Variants in SEC23A observed in about 807,000 individuals in gnomAD.
The protein encoded by SEC23A is SEC23 homolog A, COPII component.
A neutral mutation model predicts 103.7 loss-of-function variants in SEC23A; 56 were observed. The ratio of observed to expected loss-of-function variants is 0.54; its 90% CI spans 0.44 to 0.67. The LOEUF (loss-of-function observed/expected upper bound fraction) is 0.67, where lower values mean the gene tolerates loss of function less well. Among genes scored for constraint, SEC23A ranks in the 30% least tolerant of loss-of-function variants. The pLI, the probability that SEC23A is intolerant of heterozygous loss-of-function variation, is 0.00. For missense variants in SEC23A, 784 were observed against 936.4 expected, an observed-to-expected ratio of 0.84 and a Z score of 2.12; for synonymous variants, 281 against 293.0, an observed-to-expected ratio of 0.96 and a Z score of 0.42.
intron 15 of SEC23A, 144 bp from the exon 16 acceptor site, chr14:39,045,468 G>A: frequency 5.9e-6 from 3 of 506,866 alleles, no homozygotes; most frequent in South Asian, 4.6e-5. Flanking sequence ...TATCCCTCAG[G>A]AAAGGAATCC....
chr14:39,074,904 G>A (rs760716281), intron 8 of SEC23A, among the ~76,000 whole-genome samples: 5 of 151,960 alleles, frequency 3.3e-5, no homozygotes, highest in Non-Finnish European at 5.9e-5. Context: ...TCAGGAGATC[G>A]AGACCATCCT....
At chr14:39,078,247 T>C (rs1887107286) in intron 7 of SEC23A, among the ~76,000 whole-genome samples, 1 of 151,732 alleles carries the variant, frequency 6.6e-6, no homozygotes, top group Non-Finnish European at 1.5e-5. Flanking sequence ...AGAACTAGAC[T>C]CTTGTCTCAA....
At chr14:39,090,556 G>C (rs77893709) in intron 5 of SEC23A, among the ~76,000 whole-genome samples, 2,297 of 152,226 alleles carry the variant, frequency 0.015, 69 homozygotes, top group African/African-American at 0.052. Flanking sequence ...AAATCGTCCA[G>C]TCTCAAAATA....
At chr14:39,076,817 C>A (rs868789738) in intron 7 of SEC23A, among the ~76,000 whole-genome samples, 5 of 151,676 alleles carry the variant, frequency 3.3e-5, no homozygotes, top group South Asian at 2.1e-4. Flanking sequence ...GTCCCACCTA[C>A]TCGGGAGGCT....
intron 2 of SEC23A, chr14:39,094,891 C>A: frequency 9.3e-6 from 6 of 645,944 alleles, no homozygotes; most frequent in Non-Finnish European, 1.1e-5. Flanking sequence ...CTAGATCATA[C>A]AAGGCTTTAT....
chr14:39,044,279 C>T (rs544040858), intron 16 of SEC23A, among the ~76,000 whole-genome samples: 53 of 152,016 alleles, frequency 3.5e-4, no homozygotes, highest in Non-Finnish European at 6.9e-4. Context: ...TCTACATGCA[C>T]GTTATTACTC....
At chr14:39,098,586 C>A (rs936329538) in intron 1 of SEC23A, among the ~76,000 whole-genome samples, 3 of 151,934 alleles carry the variant, frequency 2.0e-5, no homozygotes, top group African/African-American at 7.3e-5. Flanking sequence ...ACCAGCCTGG[C>A]CAACATGGTG....
At chr14:39,093,428 T>C (rs1887733224) in intron 2 of SEC23A, among the ~76,000 whole-genome samples, 184 bp from the exon 3 acceptor site, 2 of 152,344 alleles carry the variant, frequency 1.3e-5, no homozygotes, top group Admixed American at 6.5e-5. Flanking sequence ...TTTTAACATA[T>C]ACAAGTTTAC....
rs1183990666 is a variant in SEC23A, at chr14:39,068,233, A to G, written c.1104-937T>C. 2.6e-5 allele frequency among the ~76,000 whole-genome samples: 4 copies of G among 152,280 alleles called. No individual in the cohort carries two copies. The East Asian group carries it at 5.8e-4, about 22-fold the overall frequency. On this transcript the variant is annotated intron_variant, in intron 9 of 19. Coordinates refer to ENST00000307712, the MANE Select transcript of SEC23A (RefSeq NM_006364.4). ...TGGCAAAAATCAGTTTGACAGCAAC[A>G]TATTATGTTGGTGAGGCTATGGAAA...
chr14:39,048,589 G>A (rs1325892623), intron 15 of SEC23A, 63 bp downstream of exon 15: 13 of 1,014,546 alleles, frequency 1.3e-5, no homozygotes, highest in Admixed American at 1.7e-5. Flanking sequence ...GACATAGGGA[G>A]AGCCTGTCTC....
chr14:39,061,103 T>G (rs972950206), intron 13 of SEC23A, among the ~76,000 whole-genome samples: 2 of 152,218 alleles, frequency 1.3e-5, no homozygotes, highest in African/African-American at 4.8e-5. Flanking sequence ...AACAGGGAGT[T>G]TGTTTTAAAT....
intron 7 of SEC23A, among the ~76,000 whole-genome samples, chr14:39,083,154 T>C (rs1200703579): frequency 6.6e-6 from 1 of 152,150 alleles, no homozygotes; most frequent in East Asian, 1.9e-4. Flanking sequence ...CTTAATCTTG[T>C]GAAAGGAAAG....
intron 2 of SEC23A, among the ~76,000 whole-genome samples, chr14:39,094,313 TATATGC>T (rs1566514453): frequency 7.9e-5 from 8 of 101,436 alleles, no homozygotes; most frequent in Admixed American, 1.2e-4. Flanking sequence ...CATATACATA[TATATGC>T]ATATATACAC....
chr14:39,068,381 T>C (rs1337820309), intron 9 of SEC23A, among the ~76,000 whole-genome samples: 5 of 152,136 alleles, frequency 3.3e-5, no homozygotes, highest in African/African-American at 1.2e-4. Flanking sequence ...ACCCCACTAA[T>C]AGTAATCTAT....
chr14:39,058,745 T>C (rs942415153), intron 13 of SEC23A, among the ~76,000 whole-genome samples: 4 of 152,224 alleles, frequency 2.6e-5, no homozygotes, highest in Admixed American at 1.3e-4. Flanking sequence ...AAGAAGACAT[T>C]GGTAATTTTG....
chr14:39,055,330 G>T (rs1205687609), intron 13 of SEC23A, 34 bp from the exon 14 acceptor site: 1 of 1,599,104 alleles, frequency 6.3e-7, no homozygotes, highest in South Asian at 1.1e-5. Context: ...AAATGCTTCT[G>T]AATTATTATA....
At chr14:39,090,658 G>A (rs1156572551) in intron 5 of SEC23A, among the ~76,000 whole-genome samples, 3 of 152,102 alleles carry the variant, frequency 2.0e-5, no homozygotes, top group South Asian at 2.1e-4. Flanking sequence ...CAAGGTTCTC[G>A]GTTCTTATGA....
Position 39,095,849 on chromosome 14 carries a change from C to T in SEC23A, c.221+49G>A, listed in dbSNP as rs759440814. The T allele has an allele frequency of 2.9e-6, 4 of 1,383,636 alleles. No homozygotes were observed. In the Admixed American group the frequency reaches 5.1e-5, roughly 18 times the overall value. 85.7% of individuals were successfully genotyped at this position (1,383,636 alleles called of 1,614,324 possible). On this transcript the variant is annotated intron_variant, in intron 2 of 19. Transcript: ENST00000307712. ...ATAAAAATATGCAGAAAAACCCCGA[C>T]ATTTTAAAATCACATTGCCACATTA...
rs560975333 is a variant in SEC23A at position 39,057,637 on chromosome 14, G to A, written c.1506-2341C>T. ...CTGCCTCAGCCTTCCCAAAACACTC[G>A]GATTATAGGCATGAGCCACCGCACT... On this transcript the variant is annotated intron_variant, in intron 13 of 19. Coordinates refer to ENST00000307712, the MANE Select transcript of SEC23A (RefSeq NM_006364.4). 7.0e-4 allele frequency among the ~76,000 whole-genome samples: 106 copies of A among 152,120 alleles called. 1 individual carries two copies. The highest frequency in any genetic ancestry group is 2.2e-3 in the African/African-American group (93 of 41,522).
Sources: allele counts gnomAD v4.1 joint callset (sites outside exome capture counted in the v4.1 genomes callset), GRCh38; gene constraint gnomAD v4.1.1; transcripts MANE v1.5; gene names NCBI Gene and HGNC (gene_info 2026-07-23, HGNC 2026-07-21).